The following NR3C2 variants were observed in gnomAD, a reference collection of about 807,000 sequenced individuals.
NR3C2 encodes the protein mineralocorticoid receptor.
NR3C2 carries 15 observed loss-of-function variants against 86.4 expected under a neutral mutation model. The observed-to-expected ratio is 0.17, with a 90% CI of 0.12 to 0.27. The LOEUF (loss-of-function observed/expected upper bound fraction) is 0.27, where lower values mean the gene tolerates loss of function less well. NR3C2 is among the 10% of genes least tolerant of loss of function. NR3C2 has a pLI of 1.00. For synonymous variants in NR3C2, 458 were observed against 450.5 expected, an observed-to-expected ratio of 1.02 and a Z score of -0.21; for missense variants, 960 against 1,195.6, an observed-to-expected ratio of 0.80 and a Z score of 2.91.
At chr4:148,445,255 A>G (rs1750522425), upstream of NR3C2, among the ~76,000 whole-genome samples, 3 of 151,228 alleles carry the variant, frequency 2.0e-5, no homozygotes, top group South Asian at 6.3e-4. Flanking sequence ...AGGGCTGGGG[A>G]CCTCGCGCGG....
chr4:148,186,996 G>GTA (rs1162757665), intron 4 of NR3C2, among the ~76,000 whole-genome samples: 552 of 27,052 alleles, frequency 0.02, 3 homozygotes, highest in East Asian at 0.038. Context: ...GTGTATGTAT[G>GTA]TATATATATA....
At chr4:148,367,057 A>C (rs1331721755) in intron 2 of NR3C2, among the ~76,000 whole-genome samples, 1 of 152,226 alleles carries the variant, frequency 6.6e-6, no homozygotes, top group Non-Finnish European at 1.5e-5. Flanking sequence ...GTTACACTCT[A>C]TAAACCCAGA....
intron 4 of NR3C2, among the ~76,000 whole-genome samples, chr4:148,155,189 T>A (rs202024125): frequency 1.3e-5 from 2 of 152,182 alleles, no homozygotes; most frequent in East Asian, 3.9e-4. Flanking sequence ...ATGTTCAGTA[T>A]AACCAAGCCT....
chr4:148,238,838 A>G (rs528294636), intron 3 of NR3C2, among the ~76,000 whole-genome samples: 2 of 152,360 alleles, frequency 1.3e-5, no homozygotes, highest in African/African-American at 4.8e-5. Context: ...AACCTAAGAT[A>G]GGGCAAATTC....
intron 3 of NR3C2, among the ~76,000 whole-genome samples, chr4:148,204,428 T>C (rs1305218339): frequency 6.6e-6 from 1 of 152,236 alleles, no homozygotes; most frequent in Non-Finnish European, 1.5e-5. Flanking sequence ...ATTCCTATTA[T>C]GTGACAGGTG....
Position 148,393,465 on chromosome 4 carries a change from A to T in NR3C2, c.1757+41639T>A, listed in dbSNP as rs577885451. 3.3e-5 allele frequency among the ~76,000 whole-genome samples: 5 copies of T among 152,268 alleles called. No individual in the cohort carries two copies. In the South Asian group the frequency reaches 1.0e-3, roughly 32 times the overall value. ...TGATTCTGATTCACAGCCCTGATTAATGAGGAGCTGTCACGGGGCTCAGAT... is the reference window on the plus strand; with the variant it reads ...TGATTCTGATTCACAGCCCTGATTATTGAGGAGCTGTCACGGGGCTCAGAT... On this transcript the variant is annotated intron_variant, in intron 2 of 8. Coordinates refer to ENST00000358102, the MANE Select transcript of NR3C2 (RefSeq NM_000901.5).
At position 148,435,337 on chromosome 4, in the gene NR3C2, G is replaced by A. The variant is rs1560734937; in HGVS notation, c.1524C>T (p.Ile508=). 1 of 1,614,192 alleles carries A rather than the reference G, an allele frequency of 6.2e-7. No homozygotes were observed. Among genetic ancestry groups the A allele is most frequent in the African/African-American group, 1.3e-5 (1 of 75,046 alleles). ...DDGSYYPEAS[I]PSSAIVGVNS... The stretch of plus-strand genomic sequence containing the variant: ...TCACCCCAACAATAGCAGAGGAAGG[G>A]ATGCTGGCCTCTGGGTAATAGCTCC... Residue 508 remains isoleucine, a synonymous_variant, in exon 2 of 9, where the codon ATC becomes ATT. Coordinates refer to ENST00000358102, the MANE Select transcript of NR3C2 (RefSeq NM_000901.5).
intron 2 of NR3C2, among the ~76,000 whole-genome samples, chr4:148,275,420 C>T (rs2149890102): frequency 6.6e-6 from 1 of 151,662 alleles, no homozygotes; most frequent in South Asian, 2.1e-4. Context: ...GTAGATAAGC[C>T]AATCTTATCT....
intron 6 of NR3C2, chr4:148,146,501 TG>T (rs1431476497): frequency 1.3e-5 from 2 of 152,520 alleles, no homozygotes; most frequent in Non-Finnish European, 2.9e-5. Context: ...TGAGGACAAC[TG>T]GACAGCGCCA....
At chr4:148,160,428 A>G (rs1450417736) in intron 4 of NR3C2, among the ~76,000 whole-genome samples, 1 of 152,110 alleles carries the variant, frequency 6.6e-6, no homozygotes, top group Non-Finnish European at 1.5e-5. Context: ...GACCTGCTAC[A>G]TACCCTTTTG....
intron 2 of NR3C2, among the ~76,000 whole-genome samples, chr4:148,402,819 A>T (rs1256865020): frequency 6.6e-6 from 1 of 152,164 alleles, no homozygotes; most frequent in Non-Finnish European, 1.5e-5. Context: ...AGCTTAAAAG[A>T]CACTCCCACC....
chr4:148,124,224 G>T (rs903076518), intron 6 of NR3C2, among the ~76,000 whole-genome samples: 16 of 135,654 alleles, frequency 1.2e-4, no homozygotes, highest in Admixed American at 4.5e-4. Context: ...GACAGAGTGA[G>T]ACTCCATCCC....
intron 2 of NR3C2, among the ~76,000 whole-genome samples, chr4:148,382,405 G>T (rs559331278): frequency 6.6e-6 from 1 of 152,176 alleles, no homozygotes; most frequent in African/African-American, 2.4e-5. Context: ...TGTTCCACAT[G>T]CACATTAATT....
intron 4 of NR3C2, among the ~76,000 whole-genome samples, chr4:148,186,170 AT>A (rs1249123468): frequency 2.0e-5 from 3 of 152,238 alleles, no homozygotes; most frequent in African/African-American, 4.8e-5. Flanking sequence ...GTCAAAAAAA[AT>A]AACATCTCAT....
chr4:148,147,037 A>G (rs1388817800), intron 6 of NR3C2, among the ~76,000 whole-genome samples: 1 of 152,244 alleles, frequency 6.6e-6, no homozygotes, highest in Non-Finnish European at 1.5e-5. Context: ...GTAGCAATAT[A>G]TGATAAGCTA....
At chr4:148,311,333 C>G (rs1579138161) in intron 2 of NR3C2, among the ~76,000 whole-genome samples, 1 of 152,324 alleles carries the variant, frequency 6.6e-6, no homozygotes, top group Non-Finnish European at 1.5e-5. Context: ...CTCAACATAG[C>G]TGAGAAAACA....
chr4:148,237,674 T>G (rs1166112870), intron 3 of NR3C2, among the ~76,000 whole-genome samples: 5 of 65,668 alleles, frequency 7.6e-5, no homozygotes, highest in Non-Finnish European at 1.8e-4. Context: ...AAAATGGGTT[T>G]TTTTTTTTTT....
At chr4:148,193,810 C>T (rs991553330) in intron 4 of NR3C2, among the ~76,000 whole-genome samples, 1 of 152,122 alleles carries the variant, frequency 6.6e-6, no homozygotes, top group Non-Finnish European at 1.5e-5. Flanking sequence ...AAGTTTAAAT[C>T]TTTGAAGCAT....
At chr4:148,101,758 T>C (rs1677589230) in intron 8 of NR3C2, among the ~76,000 whole-genome samples, 1 of 152,192 alleles carries the variant, frequency 6.6e-6, no homozygotes, top group Admixed American at 6.5e-5. Context: ...ACATTGTATA[T>C]TCTCTCAACC....
Sources: allele counts gnomAD v4.1 joint callset (sites outside exome capture counted in the v4.1 genomes callset), GRCh38; gene constraint gnomAD v4.1.1; transcripts MANE v1.5; gene names NCBI Gene and HGNC (gene_info 2026-07-23, HGNC 2026-07-21).